Variants in CRYBG3 observed in about 807,000 individuals in gnomAD.
The protein encoded by CRYBG3 is crystallin beta-gamma domain containing 3.
CRYBG3 carries 127 observed loss-of-function variants against 244.2 expected under a neutral mutation model. The ratio of observed to expected loss-of-function variants is 0.52; its 90% CI spans 0.45 to 0.60. The LOEUF is 0.60. Ranked by LOEUF, CRYBG3 falls within the 20% of genes least tolerant of loss-of-function variation. The pLI is 0.00. For missense variants in CRYBG3, 3,325 were observed against 3,442.5 expected (o/e 0.97, Z 0.85); for synonymous variants, 1,132 against 1,195.8 (o/e 0.95, Z 1.10).
At chr3:97,901,108 G>A (rs781102421) in intron 15 of CRYBG3, among the ~76,000 whole-genome samples, 4 of 152,106 alleles carry the variant, frequency 2.6e-5, no homozygotes, top group Admixed American at 6.5e-5. Flanking sequence ...ATACAAGTAA[G>A]TGCTATACAC....
chr3:97,902,757 G>A (rs1335471296), intron 15 of CRYBG3, among the ~76,000 whole-genome samples: 1 of 152,052 alleles, frequency 6.6e-6, no homozygotes, highest in Non-Finnish European at 1.5e-5. Flanking sequence ...CTGAAGGTTG[G>A]TCGCTATGTC....
chr3:97,883,559 C>T (rs957900279), intron 7 of CRYBG3, among the ~76,000 whole-genome samples: 3 of 152,088 alleles, frequency 2.0e-5, no homozygotes, highest in Middle Eastern at 3.2e-3. Flanking sequence ...GATATTTGCA[C>T]GTCCACCATT....
At chr3:97,912,360 A>C in intron 16 of CRYBG3, 84 bp downstream of exon 16, 1 of 596,356 alleles carries the variant, frequency 1.7e-6, no homozygotes, top group South Asian at 3.3e-5. Context: ...TTGCATGCAC[A>C]GTGAATCCTT....
intron 1 of CRYBG3, among the ~76,000 whole-genome samples, chr3:97,841,364 T>C (rs950749965): frequency 1.3e-5 from 2 of 151,272 alleles, no homozygotes; most frequent in African/African-American, 4.9e-5. Flanking sequence ...ATATTCTTTT[T>C]CTGTTGACAT....
chr3:97,877,658 C>T lies in CRYBG3; in HGVS notation c.6464C>T (p.Ala2155Val). The T allele has an allele frequency of 6.2e-7, 1 of 1,614,048 alleles. No individual in the cohort carries two copies. Residue 2155 changes from alanine to valine, a missense_variant, in exon 4 of 22, where the codon GCA (alanine) becomes GTA (valine). Coordinates refer to ENST00000389622, the MANE Select transcript of CRYBG3 (RefSeq NM_153605.4). ...GATGAGGAAGAAGAGGAGGAGGAGG[C>T]AGCAGTATTGCATAAAGGAGATCTG... Reference protein sequence around the residue: ...AADEEEEEEEAAVLHKGDLRA... With the variant: ...AADEEEEEEEVAVLHKGDLRA...
rs2039368998 is a variant in CRYBG3 at position 97,876,158 on chromosome 3, T to C, written c.4964T>C (p.Ile1655Thr). The C allele has an allele frequency of 1.6e-6, 2 of 1,231,728 alleles. No individual in the cohort carries two copies. Among genetic ancestry groups the C allele is most frequent in the African/African-American group, 1.6e-5 (1 of 64,284 alleles). The allele number at this position is 1,231,728 out of a possible 1,614,324, so 76.3% of individuals were successfully genotyped here. ...NIHQKDAEGD[I>T]VKTEMTPVTV... Reference sequence around the variant, plus strand: ...CACCAAAAGGATGCTGAAGGGGATATTGTAAAGACTGAGATGACACCTGTT... The same window carrying C: ...CACCAAAAGGATGCTGAAGGGGATACTGTAAAGACTGAGATGACACCTGTT... The change falls in exon 4 of 22, where the codon ATT becomes ACT. Residue 1655 changes from isoleucine (I) to threonine (T), a missense_variant. Physicochemically the swap from Ile to Thr is moderately conservative, Grantham distance 89. Coordinates refer to ENST00000389622, the MANE Select transcript of CRYBG3 (RefSeq NM_153605.4).
At chr3:97,827,488 C>T (rs1028168820) in intron 1 of CRYBG3, among the ~76,000 whole-genome samples, 1 of 152,100 alleles carries the variant, frequency 6.6e-6, no homozygotes, top group African/African-American at 2.4e-5. Flanking sequence ...GCAGGACTGT[C>T]CCTGAATGTT....
chr3:97,883,013 G>A (rs1413840094), intron 7 of CRYBG3, among the ~76,000 whole-genome samples: 1 of 152,130 alleles, frequency 6.6e-6, no homozygotes, highest in Non-Finnish European at 1.5e-5. Context: ...ATTATATGAT[G>A]TGAGAAGCGT....
chr3:97,880,613 G>T (rs778924278), intron 6 of CRYBG3, among the ~76,000 whole-genome samples: 2 of 152,234 alleles, frequency 1.3e-5, no homozygotes, highest in Non-Finnish European at 2.9e-5. Context: ...TATCTGTCCA[G>T]TGTTTAGGCT....
chr3:97,839,022 C>T (rs1051410217), intron 1 of CRYBG3, among the ~76,000 whole-genome samples: 1 of 152,090 alleles, frequency 6.6e-6, no homozygotes, highest in Non-Finnish European at 1.5e-5. Flanking sequence ...TCTTAAAGTT[C>T]TGTTAGCTAA....
intron 6 of CRYBG3, 96 bp downstream of exon 6, chr3:97,880,196 A>G (rs2108223117): frequency 3.2e-6 from 2 of 619,304 alleles, no homozygotes; most frequent in East Asian, 2.9e-5. Context: ...TTGAAGTCAT[A>G]TTCTCCTTCC....
chr3:97,875,923 G>C lies in CRYBG3; in HGVS notation c.4729G>C (p.Asp1577His). The stretch of plus-strand genomic sequence containing the variant: ...AGAAATGGGAAGAATACATAAAATG[G>C]ATGCTGAATTGAATGTCACGAAAAC... Reference protein sequence around the residue: ...MIEMGRIHKMDAELNVTKTEP... With the variant: ...MIEMGRIHKMHAELNVTKTEP... The change falls in exon 4 of 22, where the codon GAT becomes CAT. Residue 1577 changes from aspartate (D) to histidine (H), a missense_variant. Physicochemically the swap from Asp to His is moderately conservative, Grantham distance 81 (BLOSUM62 -1). Around this residue, in one of 4 missense-constraint regions of CRYBG3, gnomAD observed 635 missense variants for 771.7 expected, o/e 0.82. Coordinates refer to ENST00000389622, the MANE Select transcript of CRYBG3 (RefSeq NM_153605.4). 9 of 1,232,028 alleles carry C rather than the reference G, an allele frequency of 7.3e-6. No individual in the cohort carries two copies. Among genetic ancestry groups the C allele is most frequent in the Non-Finnish European group, 9.1e-6 (9 of 987,920 alleles). 76.3% of individuals were successfully genotyped at this position (1,232,028 alleles called of 1,614,324 possible).
chr3:97,841,785 C>T (rs776297353), intron 1 of CRYBG3, among the ~76,000 whole-genome samples: 5 of 152,084 alleles, frequency 3.3e-5, no homozygotes, highest in African/African-American at 1.2e-4. Context: ...AATTTCATAA[C>T]GGGTCAGCCC....
intron 2 of CRYBG3, among the ~76,000 whole-genome samples, chr3:97,858,165 G>GTTTT (rs71113873): frequency 1.4e-5 from 2 of 139,826 alleles, no homozygotes; most frequent in Non-Finnish European, 1.6e-5. Context: ...TTTTAGTTGA[G>GTTTT]TTTTTTTTTT....
rs889691758 is a variant in CRYBG3 at position 97,875,273 on chromosome 3, T to C, written c.4079T>C (p.Val1360Ala). The change falls in exon 4 of 22, where the codon GTT becomes GCT. Residue 1360 changes from valine to alanine, a missense_variant. Val to Ala is a moderately conservative substitution (Grantham distance 64). Around this residue, in one of 4 missense-constraint regions of CRYBG3, gnomAD observed 635 missense variants for 771.7 expected, o/e 0.82. Transcript: ENST00000389622. ...CATGATGTAGTTAGAGAGTTCTTGG[T>C]TTCAGAACAGCCAGTAAATCAAAGC... is the stretch of plus-strand genomic sequence containing the variant. ...KPHDVVREFLVSEQPVNQSTQ... is the reference protein window; with the variant it reads ...KPHDVVREFLASEQPVNQSTQ... 5 of 1,470,666 alleles carry C rather than the reference T, an allele frequency of 3.4e-6. No individual in the cohort carries two copies. In the African/African-American group the frequency reaches 7.1e-5, roughly 21 times the overall value. 91.1% of individuals were successfully genotyped at this position (1,470,666 alleles called of 1,614,324 possible).
chr3:97,845,849 G>A (rs1437058448), intron 2 of CRYBG3, among the ~76,000 whole-genome samples: 1 of 151,986 alleles, frequency 6.6e-6, no homozygotes, highest in African/African-American at 2.4e-5. Context: ...TTTTATTTTT[G>A]TGAATCTGGT....
intron 18 of CRYBG3, among the ~76,000 whole-genome samples, chr3:97,934,450 C>T (rs770406600): frequency 1.4e-4 from 21 of 151,828 alleles, no homozygotes; most frequent in Non-Finnish European, 2.2e-4. Flanking sequence ...CTGAAGAGTC[C>T]GGCATATAAA....
At chr3:97,887,891 G>T (rs1244085508) in intron 8 of CRYBG3, among the ~76,000 whole-genome samples, 1 of 152,174 alleles carries the variant, frequency 6.6e-6, no homozygotes, top group Non-Finnish European at 1.5e-5. Context: ...TGCAAATACT[G>T]TTCCTTAGGC....
intron 2 of CRYBG3, among the ~76,000 whole-genome samples, chr3:97,856,577 A>G (rs1057374996): frequency 6.6e-6 from 1 of 152,228 alleles, no homozygotes; most frequent in African/African-American, 2.4e-5. Context: ...ATAAATGTCC[A>G]TGAAATCTTC....
Sources: allele counts gnomAD v4.1 joint callset (sites outside exome capture counted in the v4.1 genomes callset), GRCh38; gene constraint gnomAD v4.1.1; regional missense constraint gnomAD v4.1.1; transcripts MANE v1.5; gene names NCBI Gene and HGNC (gene_info 2026-07-23, HGNC 2026-07-21).